Variants in SLIT1 observed in about 807,000 individuals in gnomAD.
The protein encoded by SLIT1 is slit guidance ligand 1.
Under a neutral mutation model 186.1 loss-of-function variants are expected in SLIT1, and 66 were observed. That is an observed-to-expected ratio of 0.35 (90% CI 0.29 to 0.44). The LOEUF (loss-of-function observed/expected upper bound fraction) is 0.44, where lower values mean the gene tolerates loss of function less well. Among genes scored for constraint, SLIT1 ranks in the 20% least tolerant of loss-of-function variants. The probability of loss-of-function intolerance (pLI) is 1.00; values close to 1 mark genes in which losing one functional copy is unlikely to be tolerated. For synonymous variants in SLIT1, 761 were observed against 833.8 expected, an observed-to-expected ratio of 0.91 and a Z score of 1.50; for missense variants, 1,638 against 2,037.4, an observed-to-expected ratio of 0.80 and a Z score of 3.77.
intron 29 of SLIT1, 66 bp from the exon 30 acceptor site, chr10:97,013,900 C>A: frequency 6.5e-7 from 1 of 1,541,990 alleles, no homozygotes; most frequent in South Asian, 1.2e-5. Flanking sequence ...GGCAGCCAGA[C>A]CCACAGAAAT....
chr10:97,028,936 C>G (rs1035774049), intron 25 of SLIT1, among the ~76,000 whole-genome samples: 2 of 152,208 alleles, frequency 1.3e-5, no homozygotes, highest in Non-Finnish European at 2.9e-5. Context: ...CCCCTTACCC[C>G]TCCCACTTCC....
intron 4 of SLIT1, among the ~76,000 whole-genome samples, chr10:97,124,459 A>G (rs1054942142): frequency 6.6e-6 from 1 of 152,210 alleles, no homozygotes; most frequent in Non-Finnish European, 1.5e-5. Context: ...TCAATAATTC[A>G]TGGGTACAAA....
intron 11 of SLIT1, 67 bp from the exon 12 acceptor site, chr10:97,057,348 G>A: frequency 7.4e-7 from 1 of 1,344,570 alleles, no homozygotes; most frequent in Admixed American, 1.7e-5. Context: ...CAACTCTGCA[G>A]ACGGCCCCAG....
chr10:97,094,140 T>A (rs1413273641), intron 4 of SLIT1, among the ~76,000 whole-genome samples: 1 of 152,140 alleles, frequency 6.6e-6, no homozygotes, highest in Non-Finnish European at 1.5e-5. Context: ...GTGTCCTACG[T>A]AGAAGAAAGG....
intron 30 of SLIT1, among the ~76,000 whole-genome samples, chr10:97,012,446 C>T (rs1228972213): frequency 6.6e-6 from 1 of 152,228 alleles, no homozygotes; most frequent in Non-Finnish European, 1.5e-5. Flanking sequence ...CCAGGACAGG[C>T]AGTTGAGAGA....
chr10:97,105,372 C>T (rs1018207546), intron 4 of SLIT1, among the ~76,000 whole-genome samples: 16 of 152,178 alleles, frequency 1.1e-4, no homozygotes, highest in South Asian at 2.1e-4. Flanking sequence ...CAAGCTCTTG[C>T]GTCTGCAGAA....
Position 97,163,893 on chromosome 10 carries a change from G to C in SLIT1, c.270-442C>G, listed in dbSNP as rs535892673. On this transcript the variant is annotated intron_variant, in intron 2 of 36. Coordinates refer to ENST00000266058, the MANE Select transcript of SLIT1 (RefSeq NM_003061.3). Reference sequence around the variant, plus strand: ...AAGGCACATGTCCAAGGGACAGAACGGGGGGACCGGCCAGTATCAGGGGGA... The same window carrying C: ...AAGGCACATGTCCAAGGGACAGAACCGGGGGACCGGCCAGTATCAGGGGGA... Among the ~76,000 whole-genome samples the C allele has an allele frequency of 7.0e-4, 107 of 152,296 alleles. 1 individual carries two copies. Among genetic ancestry groups the C allele is most frequent in the African/African-American group, 2.5e-3 (105 of 41,580 alleles).
At chr10:97,150,669 C>T (rs79957691) in intron 4 of SLIT1, among the ~76,000 whole-genome samples, 7,740 of 144,346 alleles carry the variant, frequency 0.054, 466 homozygotes, top group African/African-American at 0.16. Flanking sequence ...TAAAAGGAAG[C>T]CCAGAGGAAC....
At chr10:97,141,171 C>A (rs1849753913) in intron 4 of SLIT1, among the ~76,000 whole-genome samples, 1 of 152,196 alleles carries the variant, frequency 6.6e-6, no homozygotes, top group African/African-American at 2.4e-5. Flanking sequence ...CAGCCCCTCC[C>A]TGAACTCTTC....
At chr10:97,019,202 A>G in intron 26 of SLIT1, 95 bp from the exon 27 acceptor site, 1 of 784,524 alleles carries the variant, frequency 1.3e-6, no homozygotes, top group Non-Finnish European at 2.2e-6. Flanking sequence ...ATGTCCAAGG[A>G]GCCGTTTCCC....
At chr10:97,014,257 C>T (rs1848435720) in intron 28 of SLIT1, 99 bp from the exon 29 acceptor site, 4 of 1,422,466 alleles carry the variant, frequency 2.8e-6, no homozygotes, top group Non-Finnish European at 3.9e-6. Context: ...AGTTAGGGTC[C>T]CTAATCCCGG....
intron 34 of SLIT1, 54 bp from the exon 35 acceptor site, chr10:97,003,046 G>A: frequency 6.4e-7 from 1 of 1,553,694 alleles, no homozygotes; most frequent in South Asian, 1.2e-5. Flanking sequence ...GCTATGCCGG[G>A]CACCCACCCC....
At chr10:97,134,075 G>A (rs565259952) in intron 4 of SLIT1, among the ~76,000 whole-genome samples, 3 of 152,222 alleles carry the variant, frequency 2.0e-5, no homozygotes, top group African/African-American at 7.2e-5. Context: ...ACCTCCCAGC[G>A]GGCAGCCCTG....
At position 97,042,942 on chromosome 10, in the gene SLIT1, G is replaced by A. The variant is rs781000848; in HGVS notation, c.2123C>T (p.Pro708Leu). The change falls in exon 20 of 37, where the codon CCC becomes CTC. Residue 708 changes from proline to leucine, a missense_variant. This residue lies in a region of SLIT1 where 1,245 missense variants were observed against 1,535.3 expected (regional missense o/e 0.81). Coordinates refer to ENST00000266058, the MANE Select transcript of SLIT1 (RefSeq NM_003061.3). ...GTCAGGGAAGGCCACGTCCTGCAGG[G>A]GAATCTGCCGCAAAAAGTCAGGGTT... The part of the protein sequence containing the change: ...CQNPDFLRQI[P>L]LQDVAFPDFR... 1.2e-6 allele frequency: 2 copies of A among 1,614,102 alleles called. No individual in the cohort carries two copies. The highest frequency in any genetic ancestry group is 2.7e-5 in the African/African-American group (2 of 74,932).
rs547349317 is a variant in SLIT1 at position 97,055,028 on chromosome 10, C to T, written c.1301+1293G>A. ...GTCAGGAGTTTGAGACCAGTCTGGC[C>T]AACATGGTGAAACCCCATCTCCATT... On this transcript the variant is annotated intron_variant, in intron 13 of 36. Coordinates refer to ENST00000266058, the MANE Select transcript of SLIT1 (RefSeq NM_003061.3). Among the ~76,000 whole-genome samples the T allele has an allele frequency of 2.6e-3, 391 of 152,208 alleles. 2 individuals carry two copies. The highest frequency in any genetic ancestry group is 8.7e-3 in the African/African-American group (362 of 41,506).
intron 4 of SLIT1, among the ~76,000 whole-genome samples, chr10:97,084,947 A>T (rs565786863): frequency 6.9e-6 from 1 of 144,036 alleles, no homozygotes; most frequent in South Asian, 2.2e-4. Context: ...TTTTTGAAAC[A>T]GAGTCTCACT....
At chr10:97,059,733 G>C (rs1369440780) in intron 10 of SLIT1, among the ~76,000 whole-genome samples, 1 of 152,164 alleles carries the variant, frequency 6.6e-6, no homozygotes, top group Admixed American at 6.5e-5. Context: ...GGCAGGAGGG[G>C]GCACTCCAGC....
At chr10:97,156,581 A>C (rs976778575) in intron 4 of SLIT1, among the ~76,000 whole-genome samples, 1 of 152,198 alleles carries the variant, frequency 6.6e-6, no homozygotes, top group Non-Finnish European at 1.5e-5. Context: ...CGTCTCAAAA[A>C]TAAGTAAATA....
chr10:97,029,574 T>G (rs1194976231), intron 25 of SLIT1, among the ~76,000 whole-genome samples: 2 of 152,250 alleles, frequency 1.3e-5, no homozygotes, highest in Admixed American at 6.5e-5. Context: ...AGAATTAGGA[T>G]GGCCCTGTCA....
Sources: gnomAD v4.1 joint callset for allele counts (sites outside exome capture counted in the v4.1 genomes callset) on GRCh38, gnomAD v4.1.1 for gene constraint, gnomAD v4.1.1 regional missense constraint, MANE v1.5 for transcripts, NCBI Gene and HGNC (gene_info 2026-07-23, HGNC 2026-07-21) for gene names.